Variants in JAK1 observed in about 807,000 individuals in gnomAD.
JAK1 encodes Janus kinase 1, also known as tyrosine-protein kinase JAK1.
Under a neutral mutation model 136.6 loss-of-function variants are expected in JAK1, and 16 were observed. That is an observed-to-expected ratio of 0.12 (90% CI 0.08 to 0.18). JAK1 has a LOEUF of 0.18. Ranked by LOEUF, JAK1 falls within the 10% of genes least tolerant of loss-of-function variation. The pLI is 1.00. For missense variants in JAK1, 859 were observed against 1,450.1 expected (o/e 0.59, Z 6.62); for synonymous variants, 492 against 519.5 (o/e 0.95, Z 0.72).
At chr1:64,914,555 C>T (rs915010434) in intron 1 of JAK1, among the ~76,000 whole-genome samples, 8 of 152,078 alleles carry the variant, frequency 5.3e-5, no homozygotes, top group Non-Finnish European at 8.8e-5. Context: ...AGTATCTGGG[C>T]AAATACATGG....
chr1:64,844,972 C>T lies in JAK1; in HGVS notation c.2116-83G>A, dbSNP rs369902693. On this transcript the variant is annotated intron_variant, in intron 15 of 24. Transcript: ENST00000342505. The surrounding 1 kb of genome is among the most constrained non-coding windows in gnomAD (Gnocchi z 5.7). ...ACCCTGGTCCCTCAGGTCATCTCTT[C>T]CTACCCCCAGCTACAGCCAGATCTG... 2.7e-5 allele frequency: 43 copies of T among 1,574,978 alleles called. 1 individual carries two copies. The highest frequency in any genetic ancestry group is 1.2e-4 in the Admixed American group (7 of 58,986).
chr1:64,877,945 C>G (rs1644700070), intron 4 of JAK1, among the ~76,000 whole-genome samples: 1 of 152,104 alleles, frequency 6.6e-6, no homozygotes, highest in Non-Finnish European at 1.5e-5. Context: ...AAAAGTCAGC[C>G]CTAGGATGAT....
rs1255893369 is a variant in JAK1, at chr1:64,833,394, G to GTAAC, written c.*1164_*1167dup. The GTAAC allele has an allele frequency of 4.3e-6, 1 of 232,750 alleles. No individual in the cohort carries two copies. The highest frequency in any genetic ancestry group is 2.2e-5 in the African/African-American group (1 of 45,272). The allele number at this position is 232,750 out of a possible 1,614,324, so 14.4% of individuals were successfully genotyped here. ...TGAATTTGGGCTCAACAGGTGAAAA[G>GTAAC]TAACAATATCAAACGAATACTAAAC... On this transcript the variant is annotated 3_prime_UTR_variant, in exon 25 of 25. Coordinates refer to ENST00000342505, the MANE Select transcript of JAK1 (RefSeq NM_002227.4).
intron 1 of JAK1, among the ~76,000 whole-genome samples, chr1:64,897,778 G>A (rs1347989083): frequency 1.3e-5 from 2 of 151,456 alleles, no homozygotes; most frequent in Non-Finnish European, 1.5e-5. Context: ...CAAGTGGAAA[G>A]TCCCCAGTAT....
At chr1:64,926,955 A>G (rs1046847108) in intron 1 of JAK1, among the ~76,000 whole-genome samples, 2 of 152,232 alleles carry the variant, frequency 1.3e-5, no homozygotes, top group Admixed American at 1.3e-4. Context: ...AGCAGGAACT[A>G]AACAAGTGCT....
chr1:64,968,977 G>A (rs111770391), upstream of JAK1, among the ~76,000 whole-genome samples: 40 of 149,994 alleles, frequency 2.7e-4, no homozygotes, highest in South Asian at 6.3e-4. Flanking sequence ...GGGCATGGTG[G>A]CACATGCCTG....
At chr1:64,933,900 T>A (rs189956621) in intron 1 of JAK1, among the ~76,000 whole-genome samples, 124 of 152,300 alleles carry the variant, frequency 8.1e-4, no homozygotes, top group African/African-American at 3.0e-3. Context: ...TCAAAATCGC[T>A]GTGGTCCTTA....
At chr1:65,058,217 A>G (rs879444247) in intron 1 of JAK1, among the ~76,000 whole-genome samples, 4 of 152,202 alleles carry the variant, frequency 2.6e-5, no homozygotes, top group African/African-American at 4.8e-5. Context: ...AGATCTTAAT[A>G]TATGTTCACT....
At chr1:64,966,624 A>G (rs1258636000), upstream of JAK1, 1 of 122,788 alleles carries the variant, frequency 8.1e-6, no homozygotes, top group Non-Finnish European at 1.6e-5. Flanking sequence ...CCCCCTCGCG[A>G]CGTCACCAGC....
intron 14 of JAK1, 122 bp downstream of exon 14, chr1:64,846,527 C>G (rs1449975672): frequency 1.4e-6 from 1 of 705,564 alleles, no homozygotes; most frequent in African/African-American, 1.8e-5. Context: ...TCAATCTCCT[C>G]AACTGCAAAA....
Position 64,869,452 on chromosome 1 carries a change from C to G in JAK1, c.506G>C (p.Cys169Ser). The G allele has an allele frequency of 6.2e-7, 1 of 1,613,990 alleles. No homozygotes were observed. The highest frequency in any genetic ancestry group is 8.5e-7 in the Non-Finnish European group (1 of 1,179,928). Residue 169 changes from cysteine to serine, a missense_variant, in exon 6 of 25, where the codon TGC becomes TCC. Transcript: ENST00000342505. ...FAQGQYDLVK[C>S]LAPIRDPKTE... ...CTTGGGGTCTCGAATAGGAGCCAGG[C>G]ATTTCACCAAATCATACTGTCCCTA...
intron 9 of JAK1, among the ~76,000 whole-genome samples, 190 bp from the exon 10 acceptor site, chr1:64,857,969 C>A (rs1048845488): frequency 6.6e-6 from 1 of 152,160 alleles, no homozygotes; most frequent in African/African-American, 2.4e-5. Flanking sequence ...GCCTCAGGAC[C>A]GATGGAGTCT....
chr1:65,063,286 A>G (rs958341148), intron 1 of JAK1, among the ~76,000 whole-genome samples: 1 of 152,210 alleles, frequency 6.6e-6, no homozygotes, highest in African/African-American at 2.4e-5. Context: ...TGCTATGTTC[A>G]GGATCCTTTT....
chr1:64,902,577 A>T (rs886463011), intron 1 of JAK1, among the ~76,000 whole-genome samples: 672 of 40,552 alleles, frequency 0.017, 3 homozygotes, highest in African/African-American at 0.042. Context: ...AGAGAGAGAG[A>T]GAGAGAGTGT....
At chr1:65,025,110 C>T (rs145517716) in intron 2 of JAK1, among the ~76,000 whole-genome samples, 2 of 152,290 alleles carry the variant, frequency 1.3e-5, no homozygotes, top group Non-Finnish European at 2.9e-5. Flanking sequence ...TCCAGCCACA[C>T]GTTCTTCCAG....
chr1:64,845,399 A>G, intron 15 of JAK1, 114 bp downstream of exon 15: 1 of 1,231,160 alleles, frequency 8.1e-7, no homozygotes, highest in Non-Finnish European at 1.2e-6. Context: ...CCCTGGCCCC[A>G]TGGAACCCAA....
At chr1:64,848,818 TC>T (rs1655406385) in intron 12 of JAK1, among the ~76,000 whole-genome samples, 1 of 152,094 alleles carries the variant, frequency 6.6e-6, no homozygotes, top group South Asian at 2.1e-4. Context: ...ATCAGTCTTA[TC>T]CCCCATAGGA....
chr1:64,975,715 A>G (rs1275025020), intron 2 of JAK1, among the ~76,000 whole-genome samples: 1 of 152,168 alleles, frequency 6.6e-6, no homozygotes, highest in Non-Finnish European at 1.5e-5. Context: ...CTTTGCAGTC[A>G]TACCCTTCTC....
Position 64,905,448 on chromosome 1 carries a change from A to T in JAK1, c.-77-19107T>A, listed in dbSNP as rs1164112529. 3.3e-5 allele frequency among the ~76,000 whole-genome samples: 5 copies of T among 152,222 alleles called. No individual in the cohort carries two copies. In the South Asian group the frequency reaches 8.3e-4, roughly 25 times the overall value. On this transcript the variant is annotated intron_variant, in intron 1 of 24. Coordinates refer to ENST00000342505, the MANE Select transcript of JAK1 (RefSeq NM_002227.4). ...CAGTGTTAAATTTTTTTAGTATGAG[A>T]ATCCTGTTAAAGGTAATAGCTCATG...
Sources: allele counts gnomAD v4.1 joint callset (sites outside exome capture counted in the v4.1 genomes callset), GRCh38; gene constraint gnomAD v4.1.1; non-coding constraint Gnocchi (gnomAD v3.1); transcripts MANE v1.5; gene names NCBI Gene and HGNC (gene_info 2026-07-23, HGNC 2026-07-21).